ZBTB20: variants seen among roughly 807,000 people sequenced by gnomAD.
ZBTB20 encodes the protein zinc finger and BTB domain containing 20.
Under a neutral mutation model 56.9 loss-of-function variants are expected in ZBTB20, and 9 were observed. The observed-to-expected ratio is 0.16, with a 90% CI of 0.10 to 0.28. ZBTB20 has a LOEUF of 0.28. Among genes scored for constraint, ZBTB20 ranks in the 10% least tolerant of loss-of-function variants. ZBTB20 has a pLI of 1.00. For missense variants in ZBTB20, 655 were observed against 1,003.0 expected (o/e 0.65, Z 4.69); for synonymous variants, 417 against 420.7 (o/e 0.99, Z 0.11).
chr3:114,508,644 T>C (rs577630612), intron 6 of ZBTB20, among the ~76,000 whole-genome samples: 22 of 152,120 alleles, frequency 1.4e-4, no homozygotes, highest in Non-Finnish European at 2.8e-4. Context: ...TCGAATCTTG[T>C]TAACAAAAAC....
chr3:114,809,450 T>C (rs1204877971), intron 4 of ZBTB20, among the ~76,000 whole-genome samples: 2 of 152,150 alleles, frequency 1.3e-5, no homozygotes, highest in Admixed American at 1.3e-4. Flanking sequence ...AAATATTCTG[T>C]TGAGATTCTC....
intron 5 of ZBTB20, among the ~76,000 whole-genome samples, chr3:114,695,955 A>G (rs1348692799): frequency 1.3e-5 from 2 of 152,208 alleles, no homozygotes; most frequent in Non-Finnish European, 2.9e-5. Flanking sequence ...TATCTGAGCT[A>G]TAGATCCTGT....
chr3:114,749,380 C>T (rs1013095603), intron 5 of ZBTB20, among the ~76,000 whole-genome samples: 6 of 151,976 alleles, frequency 3.9e-5, no homozygotes, highest in Non-Finnish European at 8.8e-5. Flanking sequence ...AGTGAAACCC[C>T]GTCGCTACTA....
intron 4 of ZBTB20, among the ~76,000 whole-genome samples, chr3:114,853,458 G>A (rs777799546): frequency 3.9e-5 from 6 of 152,078 alleles, no homozygotes; most frequent in Non-Finnish European, 7.4e-5. Flanking sequence ...CAACATATGC[G>A]ACAGTGTTGC....
chr3:114,980,571 A>C (rs913611016), intron 2 of ZBTB20, among the ~76,000 whole-genome samples: 3 of 151,942 alleles, frequency 2.0e-5, no homozygotes, highest in Non-Finnish European at 2.9e-5. Context: ...CTTCTGTCAG[A>C]TATTTCACTC....
At chr3:114,917,564 G>A (rs2075792636) in intron 3 of ZBTB20, among the ~76,000 whole-genome samples, 1 of 152,156 alleles carries the variant, frequency 6.6e-6, no homozygotes, top group South Asian at 2.1e-4. Flanking sequence ...TTTGGTCAAT[G>A]CAGCTGTGTC....
intron 1 of ZBTB20, among the ~76,000 whole-genome samples, chr3:115,110,643 A>G (rs1395632564): frequency 6.6e-6 from 1 of 152,214 alleles, no homozygotes; most frequent in African/African-American, 2.4e-5. Flanking sequence ...ATTGTCATTT[A>G]CTTAATTTTG....
intron 1 of ZBTB20, among the ~76,000 whole-genome samples, chr3:115,113,486 C>T (rs1174512790): frequency 1.3e-5 from 2 of 152,194 alleles, no homozygotes; most frequent in African/African-American, 4.8e-5. Context: ...CTGAAAATCT[C>T]AGCAATGGTG....
At chr3:115,128,141 G>A (rs1032672069) in intron 1 of ZBTB20, among the ~76,000 whole-genome samples, 13 of 152,084 alleles carry the variant, frequency 8.5e-5, no homozygotes, top group African/African-American at 3.1e-4. Flanking sequence ...CCTACTACTC[G>A]AGTAACATTA....
At chr3:114,807,639 T>C (rs987532392) in intron 4 of ZBTB20, among the ~76,000 whole-genome samples, 4 of 152,132 alleles carry the variant, frequency 2.6e-5, no homozygotes, top group Admixed American at 6.5e-5. Flanking sequence ...AAGTTCTTCA[T>C]AGATGCCCTT....
At chr3:114,493,529 C>T (rs908683531) in intron 7 of ZBTB20, among the ~76,000 whole-genome samples, 4 of 152,284 alleles carry the variant, frequency 2.6e-5, no homozygotes, top group South Asian at 2.1e-4. Flanking sequence ...TCAGGCCTTA[C>T]GTATCTCTTC....
At chr3:115,135,131 C>G (rs1331613777) in intron 1 of ZBTB20, among the ~76,000 whole-genome samples, 1 of 152,200 alleles carries the variant, frequency 6.6e-6, no homozygotes, top group Admixed American at 6.5e-5. Flanking sequence ...ACTCCAGCAC[C>G]ATTCTCCAGT....
chr3:114,521,861 C>A (rs570637668), intron 6 of ZBTB20, among the ~76,000 whole-genome samples: 6 of 152,036 alleles, frequency 3.9e-5, no homozygotes, highest in Non-Finnish European at 8.8e-5. Flanking sequence ...AATCATGGAG[C>A]CTATGCCACA....
intron 4 of ZBTB20, among the ~76,000 whole-genome samples, chr3:114,805,258 G>GT (rs1270404138): frequency 6.6e-6 from 1 of 151,782 alleles, no homozygotes; most frequent in Non-Finnish European, 1.5e-5. Flanking sequence ...CCATTAATAT[G>GT]TTTTTTCTGT....
rs1035862498 is a variant in ZBTB20 at position 114,900,297 on chromosome 3, T to C, written c.-417+7A>G. 6.6e-6 allele frequency: 1 copy of C among 152,074 alleles called. No homozygotes were observed. Among genetic ancestry groups the C allele is most frequent in the Admixed American group, 6.6e-5 (1 of 15,242 alleles). The allele number at this position is 152,074 out of a possible 1,614,324, so 9.4% of individuals were successfully genotyped here. ...TTTACATAGTTATAGGTAATTCATA[T>C]ACATACCTGTGCAGCTATGGGGCAC... On this transcript the variant is annotated splice_region_variant and intron_variant, in intron 4 of 11. Coordinates refer to ENST00000675478, the MANE Select transcript of ZBTB20 (RefSeq NM_001348800.3).
chr3:114,513,850 T>G (rs1577209671), intron 6 of ZBTB20, among the ~76,000 whole-genome samples: 1 of 151,950 alleles, frequency 6.6e-6, no homozygotes, highest in African/African-American at 2.4e-5. Flanking sequence ...TTTCTTCAGG[T>G]TTTCTTTCTC....
rs572142263 is a variant in ZBTB20, at chr3:114,805,729, AC to A, written c.-416-4556del. Among the ~76,000 whole-genome samples the A allele has an allele frequency of 6.6e-5, 10 of 151,984 alleles. No individual in the cohort carries two copies. The South Asian group carries it at 2.1e-3, about 31-fold the overall frequency. On this transcript the variant is annotated intron_variant, in intron 4 of 11. Coordinates refer to ENST00000675478, the MANE Select transcript of ZBTB20 (RefSeq NM_001348800.3). ...AATTCATTTTTAGAATATTTTTGTC[AC>A]CCTACAAAGATCCTTCATACCCTTA...
At chr3:115,033,603 C>T (rs774395210) in intron 2 of ZBTB20, among the ~76,000 whole-genome samples, 1 of 151,476 alleles carries the variant, frequency 6.6e-6, no homozygotes, top group Non-Finnish European at 1.5e-5. Context: ...TTTACAATAG[C>T]TAAGATTTGG....
In ZBTB20 at chr3:114,323,627, C is replaced by T. The variant is rs1350252361; in HGVS notation, c.*15378G>A. On this transcript the variant is annotated 3_prime_UTR_variant, in exon 12 of 12. Transcript: ENST00000675478. ...TACATCATATCAATTGGCTTCTTCACTGTTAAAACTCTTACTGAGAGCTCA... is the reference window on the plus strand; with the variant it reads ...TACATCATATCAATTGGCTTCTTCATTGTTAAAACTCTTACTGAGAGCTCA... The T allele has an allele frequency of 1.3e-5, 2 of 152,212 alleles. No individual in the cohort carries two copies. Among genetic ancestry groups the T allele is most frequent in the African/African-American group, 4.8e-5 (2 of 41,464 alleles). 9.4% of individuals were successfully genotyped at this position (152,212 alleles called of 1,614,324 possible).
Sources: allele counts gnomAD v4.1 joint callset (sites outside exome capture counted in the v4.1 genomes callset), GRCh38; gene constraint gnomAD v4.1.1; transcripts MANE v1.5; gene names NCBI Gene and HGNC (gene_info 2026-07-23, HGNC 2026-07-21).